DMD: variants seen among roughly 807,000 people sequenced by gnomAD.
The protein encoded by DMD is mutant dystrophin.
Under a neutral mutation model 330.1 loss-of-function variants are expected in DMD, and 63 were observed. That is an observed-to-expected ratio of 0.19 (90% CI 0.16 to 0.24). The LOEUF (loss-of-function observed/expected upper bound fraction) is 0.24. Ranked by LOEUF, DMD falls within the 10% of genes least tolerant of loss-of-function variation. The pLI, the probability that DMD is intolerant of heterozygous loss-of-function variation, is 1.00. For synonymous variants in DMD, 1,223 were observed against 959.8 expected (o/e 1.27, Z -5.07); for missense variants, 3,344 against 2,684.1 (o/e 1.25, Z -5.43).
At chrX:31,989,429 T>C (rs1191725116) in intron 44 of DMD, among the ~76,000 whole-genome samples, 1 of 112,123 alleles carries the variant, frequency 8.9e-6, no homozygotes, top group Non-Finnish European at 1.9e-5. Context: ...AAAATGTTCT[T>C]AAAGCAAATT....
intron 62 of DMD, among the ~76,000 whole-genome samples, chrX:31,278,655 A>T (rs912718516): frequency 5.3e-5 from 6 of 112,191 alleles, no homozygotes; most frequent in Non-Finnish European, 1.1e-4. Flanking sequence ...ACACTACTAT[A>T]CACAACTGCA....
chrX:32,783,801 A>G (rs374496634), intron 7 of DMD, among the ~76,000 whole-genome samples: 2 of 111,399 alleles, frequency 1.8e-5, no homozygotes, highest in East Asian at 5.6e-4. Context: ...AGTTCCTAGA[A>G]CCAGTTCTCA....
At chrX:32,406,700 T>C (rs2098118836) in intron 30 of DMD, among the ~76,000 whole-genome samples, 1 of 111,193 alleles carries the variant, frequency 9.0e-6, no homozygotes, top group South Asian at 3.8e-4. Context: ...TCAGGGATAT[T>C]GGTCTAAAAT....
intron 2 of DMD, among the ~76,000 whole-genome samples, chrX:32,985,154 T>C (rs1270709330): frequency 1.8e-5 from 2 of 112,434 alleles, no homozygotes; most frequent in African/African-American, 6.5e-5. Flanking sequence ...TAAGAATGTA[T>C]CATCCTTTCA....
rs1378809659 is a variant in DMD at position 31,780,949 on chromosome X, GA to G, written c.7310-6758del. ...TAACCATTTGTATTTCTGGATTTAAGAAAAAAAAATGTTAAGTTTGGGAGCT... is the reference window on the plus strand; with the variant it reads ...TAACCATTTGTATTTCTGGATTTAAGAAAAAAAATGTTAAGTTTGGGAGCT... On this transcript the variant is annotated intron_variant, in intron 50 of 78. Transcript: ENST00000357033. 2.7e-5 allele frequency among the ~76,000 whole-genome samples: 3 copies of G among 110,164 alleles called. No individual in the cohort carries two copies. The East Asian group carries it at 8.5e-4, about 31-fold the overall frequency.
At position 31,690,050 on chromosome X, in the gene DMD, T is replaced by C. The variant is rs762775560; in HGVS notation, c.7661-10464A>G. 1.2e-4 allele frequency among the ~76,000 whole-genome samples: 14 copies of C among 112,011 alleles called. No homozygotes were observed. In the South Asian group the frequency reaches 5.2e-3, roughly 42 times the overall value. On this transcript the variant is annotated intron_variant, in intron 52 of 78. Transcript: ENST00000357033. ...AACCTAGGCAATACCATTCAGGACG[T>C]AGGCATGGGCAAGGACTTCATGTCT...
At chrX:32,936,263 C>T (rs2090015509) in intron 2 of DMD, among the ~76,000 whole-genome samples, 1 of 110,326 alleles carries the variant, frequency 9.1e-6, no homozygotes, top group Non-Finnish European at 1.9e-5. Flanking sequence ...AGGCATGCAC[C>T]ACCACGCCTG....
chrX:31,426,597 C>T (rs116213929), intron 60 of DMD, among the ~76,000 whole-genome samples: 3,000 of 112,083 alleles, frequency 0.027, 96 homozygotes, highest in African/African-American at 0.092. Context: ...ACCCGAACTC[C>T]CCACTTCAGC....
chrX:32,481,330 A>G (rs191954110), intron 21 of DMD, among the ~76,000 whole-genome samples: 23 of 111,536 alleles, frequency 2.1e-4, no homozygotes, highest in African/African-American at 6.8e-4. Flanking sequence ...CTGTGTGGCT[A>G]TTCTTTCCAC....
intron 1 of DMD, among the ~76,000 whole-genome samples, chrX:33,315,768 T>C (rs5972815): frequency 0.22 from 24,130 of 111,359 alleles, 2,380 homozygotes; most frequent in East Asian, 0.38. Flanking sequence ...TTTCGCCATA[T>C]AAGGCAACAT....
chrX:31,476,414 T>TACACAC (rs1298017039), intron 59 of DMD, among the ~76,000 whole-genome samples: 19 of 98,283 alleles, frequency 1.9e-4, no homozygotes, highest in East Asian at 3.3e-4. Context: ...TATATATATA[T>TACACAC]ATATATACAC....
intron 47 of DMD, among the ~76,000 whole-genome samples, chrX:31,915,953 C>T (rs2094603739): frequency 8.9e-6 from 1 of 111,800 alleles, no homozygotes; most frequent in South Asian, 3.7e-4. Context: ...ACCTATTTCC[C>T]TAATCCCTGA....
intron 77 of DMD, among the ~76,000 whole-genome samples, chrX:31,133,888 T>G (rs981835087): frequency 3.6e-5 from 4 of 112,552 alleles, no homozygotes; most frequent in African/African-American, 1.3e-4. Flanking sequence ...GTATTCTTAT[T>G]TTTGGAAACA....
At chrX:32,884,414 T>C (rs1431657392) in intron 2 of DMD, among the ~76,000 whole-genome samples, 1 of 112,162 alleles carries the variant, frequency 8.9e-6, no homozygotes, top group East Asian at 2.8e-4. Flanking sequence ...CAGCTACTTT[T>C]ATTGAGCCCT....
intron 1 of DMD, among the ~76,000 whole-genome samples, chrX:33,295,094 G>C (rs1185608509): frequency 9.1e-6 from 1 of 110,224 alleles, no homozygotes; most frequent in African/African-American, 3.3e-5. Flanking sequence ...GAATTTTGAG[G>C]GCATACTATT....
intron 52 of DMD, among the ~76,000 whole-genome samples, chrX:31,686,882 T>C (rs1279366849): frequency 8.9e-6 from 1 of 112,047 alleles, no homozygotes; most frequent in African/African-American, 3.2e-5. Context: ...CTCCCAGCAG[T>C]GAAGCTTGCA....
In DMD at chrX:31,323,673, G is replaced by A; in HGVS notation, c.9164-15C>T. The A allele has an allele frequency of 8.3e-7, 1 of 1,202,304 alleles. No individual in the cohort carries two copies. Among genetic ancestry groups the A allele is most frequent in the African/African-American group, 1.7e-5 (1 of 57,452 alleles). The stretch of plus-strand genomic sequence containing the variant: ...CTGGACAGACGCTGAAAAGAAGGGA[G>A]GAAAAAAAGAAAGGCAAGGAGGTCA... On this transcript the variant is annotated splice_polypyrimidine_tract_variant and intron_variant, in intron 61 of 78. Transcript: ENST00000357033.
At position 32,645,675 on chromosome X, in the gene DMD, C is replaced by G. The variant is rs1220339092; in HGVS notation, c.961-523G>C. Among the ~76,000 whole-genome samples the G allele has an allele frequency of 4.5e-5, 5 of 111,415 alleles. No individual in the cohort carries two copies. In the East Asian group the frequency reaches 1.1e-3, roughly 25 times the overall value. On this transcript the variant is annotated intron_variant, in intron 9 of 78. Transcript: ENST00000357033. The stretch of plus-strand genomic sequence containing the variant: ...CAAAATTTAGAAAGAAAAAAAATAC[C>G]TCACCCACCCATCTAAAATTTCTAA...
chrX:32,131,272 C>A (rs2096692528), intron 44 of DMD, among the ~76,000 whole-genome samples: 2 of 112,043 alleles, frequency 1.8e-5, no homozygotes, highest in African/African-American at 6.5e-5. Flanking sequence ...AGAGTAAGAA[C>A]TTTTTGCTTC....
Sources: allele counts gnomAD v4.1 joint callset (sites outside exome capture counted in the v4.1 genomes callset), GRCh38; gene constraint gnomAD v4.1.1; transcripts MANE v1.5; gene names NCBI Gene and HGNC (gene_info 2026-07-23, HGNC 2026-07-21).